The following MAD1L1 variants were observed in gnomAD, a reference collection of about 807,000 sequenced individuals.
MAD1L1 encodes mitotic arrest deficient 1 like 1.
In MAD1L1, 95 loss-of-function variants were observed where a neutral mutation model predicts 96.9. The ratio of observed to expected loss-of-function variants is 0.98; its 90% CI spans 0.83 to 1.16. The LOEUF (loss-of-function observed/expected upper bound fraction) is 1.16. MAD1L1 is among the 50% of genes most tolerant of loss of function. The pLI is 0.00. For synonymous variants in MAD1L1, 473 were observed against 396.6 expected, an observed-to-expected ratio of 1.19 and a Z score of -2.29; for missense variants, 1,007 against 954.4, an observed-to-expected ratio of 1.06 and a Z score of -0.73.
chr7:1,852,150 G>A (rs747413960), intron 18 of MAD1L1, among the ~76,000 whole-genome samples: 3 of 152,234 alleles, frequency 2.0e-5, no homozygotes, highest in Non-Finnish European at 2.9e-5. Context: ...AGAAGCCCCA[G>A]GGAAGAAAGT....
At chr7:2,090,575 G>C (rs2128544659) in intron 11 of MAD1L1, among the ~76,000 whole-genome samples, 1 of 152,286 alleles carries the variant, frequency 6.6e-6, no homozygotes, top group African/African-American at 2.4e-5. Flanking sequence ...GGTTGGATCA[G>C]GGTGCCATTA....
At chr7:2,040,243 C>G (rs1783613558) in intron 12 of MAD1L1, among the ~76,000 whole-genome samples, 1 of 152,218 alleles carries the variant, frequency 6.6e-6, no homozygotes, top group Non-Finnish European at 1.5e-5. Flanking sequence ...ACCCACAGAA[C>G]AGCAAAGACA....
intron 14 of MAD1L1, among the ~76,000 whole-genome samples, chr7:1,983,688 C>T (rs965931288): frequency 1.3e-5 from 2 of 152,206 alleles, no homozygotes; most frequent in Admixed American, 6.5e-5. Context: ...TACATGTCTT[C>T]ACCTACGTAT....
intron 15 of MAD1L1, among the ~76,000 whole-genome samples, chr7:1,963,747 G>C (rs1193128198): frequency 6.6e-6 from 1 of 152,154 alleles, no homozygotes; most frequent in Non-Finnish European, 1.5e-5. Context: ...TGGGTGTCTG[G>C]GGCACTCCCA....
rs769851932 is a variant in MAD1L1, at chr7:2,114,342, G to C, written c.1073+34810C>G. The stretch of plus-strand genomic sequence containing the variant: ...CCCACGGTCTGAGCAGGGAACCAGG[G>C]GGCCTTCCCTACACAGAGCACAGCT... On this transcript the variant is annotated intron_variant, in intron 11 of 18. Transcript: ENST00000265854. The surrounding 1 kb of genome is among the most constrained non-coding windows in gnomAD (Gnocchi z 4.2). Among the ~76,000 whole-genome samples, 1 of 152,172 alleles carries C rather than the reference G, an allele frequency of 6.6e-6. No homozygotes were observed. Among genetic ancestry groups the C allele is most frequent in the African/African-American group, 2.4e-5 (1 of 41,420 alleles).
chr7:1,856,484 C>T (rs977796191), intron 18 of MAD1L1, among the ~76,000 whole-genome samples: 21 of 152,242 alleles, frequency 1.4e-4, no homozygotes, highest in Admixed American at 6.5e-5. Flanking sequence ...CCCCACAGCC[C>T]CCGCTGGCCA....
intron 10 of MAD1L1, among the ~76,000 whole-genome samples, chr7:2,157,331 G>A (rs1207358149): frequency 6.6e-6 from 1 of 152,200 alleles, no homozygotes; most frequent in Non-Finnish European, 1.5e-5. Context: ...ACAAATCACA[G>A]CACTCAGAGG....
At position 1,968,820 on chromosome 7, in the gene MAD1L1, G is replaced by C. The variant is rs1780284153; in HGVS notation, c.1506-11101C>G. ...ACATACTGAGGTCAGGAGAAGCGAG[G>C]AAAGACAAAACTGTCACCGACCAGC... On this transcript the variant is annotated intron_variant, in intron 15 of 18. Transcript: ENST00000265854. The surrounding 1 kb of genome is among the most constrained non-coding windows in gnomAD (Gnocchi z 5.6). 6.6e-6 allele frequency among the ~76,000 whole-genome samples: 1 copy of C among 152,246 alleles called. No individual in the cohort carries two copies. Among genetic ancestry groups the C allele is most frequent in the Non-Finnish European group, 1.5e-5 (1 of 68,050 alleles).
chr7:2,042,983 G>A (rs911386473), intron 12 of MAD1L1, among the ~76,000 whole-genome samples: 2 of 152,194 alleles, frequency 1.3e-5, no homozygotes, highest in African/African-American at 4.8e-5. Context: ...CCGTGAAGCT[G>A]AAAGTCACCT....
At chr7:1,928,135 C>CG (rs1562530985) in intron 17 of MAD1L1, among the ~76,000 whole-genome samples, 1 of 151,416 alleles carries the variant, frequency 6.6e-6, no homozygotes, top group Non-Finnish European at 1.5e-5. Flanking sequence ...CACGACCCGC[C>CG]GGTCCCTAGA....
chr7:2,027,224 T>G (rs891255877), intron 12 of MAD1L1, among the ~76,000 whole-genome samples: 1 of 152,174 alleles, frequency 6.6e-6, no homozygotes, highest in African/African-American at 2.4e-5. Context: ...ATTTAAAATC[T>G]TGTAAACAAG....
In MAD1L1 at chr7:1,816,135, C is replaced by T. The variant is rs1348589153; in HGVS notation, c.2092G>A (p.Asp698Asn). Residue 698 changes from aspartate (D) to asparagine (N), a missense_variant, in exon 19 of 19, where the codon GAC becomes AAC. By Grantham distance (23) the Asp-to-Asn change is conservative (BLOSUM62 1). Coordinates refer to ENST00000265854, the MANE Select transcript of MAD1L1 (RefSeq NM_001013836.2). ...ELIEVHLRRQ[D>N]SIPAFLSSLT... is the part of the protein sequence containing the mutation. ...GAGCTGAGGAAGGCAGGGATGCTGT[C>T]CTGGCGCCGCAGGTGCACCTCGATG... The T allele has an allele frequency of 6.2e-7, 1 of 1,613,162 alleles. No homozygotes were observed. Among genetic ancestry groups the T allele is most frequent in the South Asian group, 1.1e-5 (1 of 91,048 alleles).
At chr7:2,009,024 G>A (rs1237359416) in intron 13 of MAD1L1, among the ~76,000 whole-genome samples, 1 of 152,114 alleles carries the variant, frequency 6.6e-6, no homozygotes, top group African/African-American at 2.4e-5. Flanking sequence ...GCGCAGCCAC[G>A]CCCCGGCCCC....
chr7:2,059,254 G>A (rs1784525325), intron 12 of MAD1L1, among the ~76,000 whole-genome samples: 1 of 123,428 alleles, frequency 8.1e-6, no homozygotes, highest in African/African-American at 3.2e-5. Flanking sequence ...GGGCTGGAGA[G>A]GGAGTGTGGC....
intron 18 of MAD1L1, among the ~76,000 whole-genome samples, chr7:1,885,382 AGAGGGCTTAAC>A (rs1785948215): frequency 6.6e-6 from 1 of 152,168 alleles, no homozygotes; most frequent in Non-Finnish European, 1.5e-5. Flanking sequence ...AGAAAGATGG[AGAGGGCTTAAC>A]GAGGGCTTTG....
At chr7:2,070,785 G>C (rs1473367603) in intron 11 of MAD1L1, among the ~76,000 whole-genome samples, 5 of 152,260 alleles carry the variant, frequency 3.3e-5, no homozygotes, top group Non-Finnish European at 7.3e-5. Context: ...TTGGAAACAG[G>C]AATGTGGGAT....
chr7:1,946,663 C>A (rs778558463), intron 16 of MAD1L1, among the ~76,000 whole-genome samples: 36 of 152,356 alleles, frequency 2.4e-4, no homozygotes, highest in South Asian at 6.2e-4. Flanking sequence ...CTGGCGGGTG[C>A]AGCGGGAGAA....
At chr7:1,977,640 T>C (rs561473443) in intron 15 of MAD1L1, among the ~76,000 whole-genome samples, 27 of 152,348 alleles carry the variant, frequency 1.8e-4, no homozygotes, top group Admixed American at 1.7e-3. Flanking sequence ...GTAAAAGATA[T>C]CAATGATAAA....
chr7:2,112,307 T>A (rs75657575), intron 11 of MAD1L1, among the ~76,000 whole-genome samples: 18 of 152,254 alleles, frequency 1.2e-4, no homozygotes, highest in Admixed American at 7.2e-4. Context: ...CAGTTTTTTT[T>A]AATCAACCAG....
Sources: gnomAD v4.1 joint callset for allele counts (sites outside exome capture counted in the v4.1 genomes callset) on GRCh38, gnomAD v4.1.1 for gene constraint, Gnocchi (gnomAD v3.1) non-coding constraint, MANE v1.5 for transcripts, NCBI Gene and HGNC (gene_info 2026-07-23, HGNC 2026-07-21) for gene names.